The following LRRC7 variants were observed in gnomAD, a reference collection of about 807,000 sequenced individuals.
LRRC7 encodes leucine rich repeat containing 7, also known as leucine-rich repeat-containing protein 7.
In LRRC7, 23 loss-of-function variants were observed where a neutral mutation model predicts 175.7. The ratio of observed to expected loss-of-function variants is 0.13; its 90% CI spans 0.09 to 0.19. The LOEUF (loss-of-function observed/expected upper bound fraction) is 0.19, where lower values mean the gene tolerates loss of function less well. Ranked by LOEUF, LRRC7 falls within the 10% of genes least tolerant of loss-of-function variation. The pLI, the probability that LRRC7 is intolerant of heterozygous loss-of-function variation, is 1.00. For missense variants in LRRC7, 1,354 were observed against 1,904.7 expected, an observed-to-expected ratio of 0.71 and a Z score of 5.38; for synonymous variants, 685 against 680.9, an observed-to-expected ratio of 1.01 and a Z score of -0.09.
rs142982839 is a variant in LRRC7 at position 69,921,861 on chromosome 1, A to G, written c.648-9646A>G. ...ATCTCATGATCTAGTGCTTACCTAC[A>G]TATTATTTCTTACTACTTCCTACCA... On this transcript the variant is annotated intron_variant, in intron 7 of 26. Transcript: ENST00000651989. Among the ~76,000 whole-genome samples, 1,354 of 152,222 alleles carry G rather than the reference A, an allele frequency of 8.9e-3. 50 individuals are homozygous for G. Among genetic ancestry groups the G allele is most frequent in the Admixed American group, 0.066 (1,016 of 15,284 alleles).
chr1:69,778,985 CTCAT>C (rs1365577392), intron 3 of LRRC7, among the ~76,000 whole-genome samples: 3 of 149,914 alleles, frequency 2.0e-5, no homozygotes, highest in Non-Finnish European at 4.4e-5. Flanking sequence ...TACACACACA[CTCAT>C]ATATATACAC....
At chr1:69,830,601 G>A (rs866892273) in intron 5 of LRRC7, among the ~76,000 whole-genome samples, 3 of 151,610 alleles carry the variant, frequency 2.0e-5, no homozygotes, top group Non-Finnish European at 4.4e-5. Flanking sequence ...CTAGTACAAA[G>A]TATTATTGTA....
At chr1:69,813,599 T>C (rs1445938101) in intron 4 of LRRC7, among the ~76,000 whole-genome samples, 2 of 152,220 alleles carry the variant, frequency 1.3e-5, no homozygotes, top group Non-Finnish European at 2.9e-5. Context: ...TTCCATTTTT[T>C]AAATTAAATA....
At chr1:69,620,098 T>C (rs1184276637) in intron 1 of LRRC7, among the ~76,000 whole-genome samples, 1 of 152,216 alleles carries the variant, frequency 6.6e-6, no homozygotes, top group Non-Finnish European at 1.5e-5. Context: ...ACCTGGATTC[T>C]TCATATGCAG....
intron 4 of LRRC7, among the ~76,000 whole-genome samples, chr1:69,821,643 C>G (rs1284871131): frequency 6.6e-6 from 1 of 152,068 alleles, no homozygotes; most frequent in African/African-American, 2.4e-5. Flanking sequence ...CCTGTAATCC[C>G]AGCACTTTCG....
intron 2 of LRRC7, among the ~76,000 whole-genome samples, chr1:69,719,481 A>G (rs1666116475): frequency 6.6e-6 from 1 of 151,678 alleles, no homozygotes; most frequent in Non-Finnish European, 1.5e-5. Context: ...TAAGAAGAAA[A>G]TGAGATTACA....
intron 2 of LRRC7, among the ~76,000 whole-genome samples, chr1:69,713,763 G>A (rs533315800): frequency 6.6e-5 from 10 of 151,170 alleles, no homozygotes; most frequent in African/African-American, 2.4e-4. Flanking sequence ...GTATGAAACT[G>A]ATCAAAGGGT....
At chr1:69,579,865 C>G (rs1282408113) in intron 1 of LRRC7, among the ~76,000 whole-genome samples, 1 of 145,728 alleles carries the variant, frequency 6.9e-6, no homozygotes, top group Non-Finnish European at 1.5e-5. Context: ...AACTCCTGGG[C>G]TGAAGCAGTC....
At chr1:69,868,144 GA>G (rs1284654886) in intron 7 of LRRC7, among the ~76,000 whole-genome samples, 7 of 151,972 alleles carry the variant, frequency 4.6e-5, no homozygotes, top group Admixed American at 2.6e-4. Flanking sequence ...ACTATATTAT[GA>G]AGCCATTAAA....
chr1:69,931,982 T>A (rs1194735055), intron 8 of LRRC7, among the ~76,000 whole-genome samples: 1 of 152,224 alleles, frequency 6.6e-6, no homozygotes, highest in African/African-American at 2.4e-5. Context: ...GGCTTCTTGG[T>A]GCCATTGCAT....
intron 26 of LRRC7, among the ~76,000 whole-genome samples, chr1:70,109,148 A>C (rs370628703): frequency 1.1e-4 from 17 of 151,994 alleles, no homozygotes; most frequent in African/African-American, 3.9e-4. Context: ...CAGCCTCCCA[A>C]GTAGCTGGGA....
At chr1:69,757,625 G>A (rs1038315678) in intron 2 of LRRC7, among the ~76,000 whole-genome samples, 5 of 151,884 alleles carry the variant, frequency 3.3e-5, no homozygotes, top group South Asian at 4.2e-4. Context: ...GGTAGACAGT[G>A]GACACTGGCC....
In LRRC7 at chr1:69,642,464, G is replaced by C. The variant is rs866573302; in HGVS notation, c.3-35917G>C. Among the ~76,000 whole-genome samples the C allele has an allele frequency of 2.6e-5, 4 of 152,054 alleles. No homozygotes were observed. The South Asian group carries it at 8.3e-4, about 32-fold the overall frequency. Reference sequence around the variant, plus strand: ...GAAATTACCTTCAAGCAAAAGTAAGGAGATCTATTATAGTAAATATAATAA... The same window carrying C: ...GAAATTACCTTCAAGCAAAAGTAAGCAGATCTATTATAGTAAATATAATAA... On this transcript the variant is annotated intron_variant, in intron 1 of 26. Coordinates refer to ENST00000651989, the MANE Select transcript of LRRC7 (RefSeq NM_001370785.2).
chr1:70,054,508 A>G (rs535201588), intron 23 of LRRC7, among the ~76,000 whole-genome samples: 65 of 149,760 alleles, frequency 4.3e-4, no homozygotes, highest in African/African-American at 1.4e-3. Context: ...GGATGGAATC[A>G]GGGAGAAAGT....
chr1:69,838,746 G>A (rs993384138), intron 7 of LRRC7, among the ~76,000 whole-genome samples: 5 of 151,890 alleles, frequency 3.3e-5, no homozygotes, highest in Non-Finnish European at 2.9e-5. Flanking sequence ...GGTTTAGGTA[G>A]AAGTTATATA....
intron 3 of LRRC7, among the ~76,000 whole-genome samples, chr1:69,764,013 A>C (rs1266109335): frequency 6.6e-6 from 1 of 152,044 alleles, no homozygotes; most frequent in Non-Finnish European, 1.5e-5. Flanking sequence ...CAAAAAGTCA[A>C]GGTAAAAGGC....
At chr1:69,735,914 C>T (rs80025457) in intron 2 of LRRC7, among the ~76,000 whole-genome samples, 1,592 of 151,972 alleles carry the variant, frequency 0.01, 32 homozygotes, top group African/African-American at 0.037. Flanking sequence ...CACATTATCA[C>T]TATTGGGTCA....
rs1646403478 is a variant in LRRC7 at position 69,568,208 on chromosome 1, T to G, written c.-432T>G. ...GGGTGCAGGATTCGCCTTTCCTGCT[T>G]GTCTCTTCTCCGCCCAGGATTTATT... On this transcript the variant is annotated 5_prime_UTR_variant, in exon 1 of 27. Coordinates refer to ENST00000651989, the MANE Select transcript of LRRC7 (RefSeq NM_001370785.2). 6.6e-6 allele frequency among the ~76,000 whole-genome samples: 1 copy of G among 151,692 alleles called. No individual in the cohort carries two copies. Among genetic ancestry groups the G allele is most frequent in the Admixed American group, 6.6e-5 (1 of 15,264 alleles).
chr1:69,635,943 C>A (rs944976616), intron 1 of LRRC7, among the ~76,000 whole-genome samples: 1 of 151,886 alleles, frequency 6.6e-6, no homozygotes, highest in African/African-American at 2.4e-5. Flanking sequence ...TTACCTAAAT[C>A]ATGCAGATAT....
Sources: allele counts gnomAD v4.1 joint callset (sites outside exome capture counted in the v4.1 genomes callset), GRCh38; gene constraint gnomAD v4.1.1; transcripts MANE v1.5; gene names NCBI Gene and HGNC (gene_info 2026-07-23, HGNC 2026-07-21).